The following ACTR3C variants were observed in gnomAD, a reference collection of about 807,000 sequenced individuals.
ACTR3C encodes the protein actin-related protein 3C.
Under a neutral mutation model 26.3 loss-of-function variants are expected in ACTR3C, and 18 were observed. That is an observed-to-expected ratio of 0.68 (90% CI 0.47 to 1.01). The LOEUF is 1.01. Among genes scored for constraint, ACTR3C ranks in the 50% least tolerant of loss-of-function variants. The pLI is 0.00. For synonymous variants in ACTR3C, 55 were observed against 94.5 expected (o/e 0.58, Z 2.42); for missense variants, 184 against 250.7 (o/e 0.73, Z 1.80).
the ACTR3C span, among the ~76,000 whole-genome samples, chr7:150,094,881 G>T: frequency 4.7e-5 from 7 of 150,078 alleles, no homozygotes; most frequent in Admixed American, 4.6e-4. Flanking sequence ...AAGGTGAAGT[G>T]AGAGTCCAAG....
At chr7:150,154,671 G>A in the ACTR3C span, among the ~76,000 whole-genome samples, 1 of 151,952 alleles carries the variant, frequency 6.6e-6, no homozygotes, top group African/African-American at 2.4e-5. Context: ...ATTTTTGAGG[G>A]GGCTTTTCCT....
chr7:150,012,131 C>T, the ACTR3C span, among the ~76,000 whole-genome samples: 1 of 152,124 alleles, frequency 6.6e-6, no homozygotes. Context: ...GAAACTATAT[C>T]AGCCCAGTGT....
At chr7:150,168,700 G>T in the ACTR3C span, among the ~76,000 whole-genome samples, 2 of 150,496 alleles carry the variant, frequency 1.3e-5, no homozygotes, top group African/African-American at 5.0e-5. Context: ...TTTTACTTAG[G>T]CGTCCTCCAC....
the ACTR3C span, among the ~76,000 whole-genome samples, chr7:150,065,553 C>G: frequency 6.6e-6 from 1 of 152,170 alleles, no homozygotes; most frequent in Non-Finnish European, 1.5e-5. Flanking sequence ...AAGTTAAAGG[C>G]TTTACCCTCA....
At chr7:150,289,796 T>C (rs1473295163) in intron 3 of ACTR3C, among the ~76,000 whole-genome samples, 5 of 152,128 alleles carry the variant, frequency 3.3e-5, no homozygotes, top group African/African-American at 4.8e-5. Context: ...TATTCAAAAT[T>C]CCAGATTATT....
At chr7:149,991,033 T>C in the ACTR3C span, among the ~76,000 whole-genome samples, 2 of 152,046 alleles carry the variant, frequency 1.3e-5, no homozygotes, top group Non-Finnish European at 2.9e-5. Flanking sequence ...GGGTAATTTA[T>C]AAAGGAAAGA....
chr7:150,222,903 C>T, the ACTR3C span, among the ~76,000 whole-genome samples: 3 of 152,194 alleles, frequency 2.0e-5, no homozygotes, highest in Non-Finnish European at 4.4e-5. Flanking sequence ...AAATTTCCTG[C>T]ATTGTGAATT....
At chr7:150,298,285 C>G (rs2429327) in intron 1 of ACTR3C, among the ~76,000 whole-genome samples, 1 of 150,110 alleles carries the variant, frequency 6.7e-6, no homozygotes, top group East Asian at 1.9e-4. Context: ...ACACCCAATA[C>G]AAAGCAAAGA....
chr7:150,254,791 G>A (rs971794237), intron 6 of ACTR3C, among the ~76,000 whole-genome samples: 16 of 152,128 alleles, frequency 1.1e-4, no homozygotes, highest in African/African-American at 1.7e-4. Flanking sequence ...GGCAGTGCTC[G>A]TTATATCAAT....
chr7:150,052,914 T>C, the ACTR3C span, among the ~76,000 whole-genome samples: 5,795 of 58,366 alleles, frequency 0.099, 143 homozygotes, highest in African/African-American at 0.15. Context: ...CCTTCATGCA[T>C]GTCCCTTCTC....
chr7:150,167,039 AT>A, the ACTR3C span, among the ~76,000 whole-genome samples: 350 of 111,230 alleles, frequency 3.1e-3, 4 homozygotes, highest in Non-Finnish European at 4.0e-3. Flanking sequence ...TATATATGGT[AT>A]TTCTCTATCC....
At chr7:150,014,489 GA>G in the ACTR3C span, among the ~76,000 whole-genome samples, 1 of 150,734 alleles carries the variant, frequency 6.6e-6, no homozygotes, top group Non-Finnish European at 1.5e-5. Context: ...AAAAAGAAAA[GA>G]TAGGCACACA....
At chr7:149,901,904 C>A in the ACTR3C span, among the ~76,000 whole-genome samples, 1 of 79,088 alleles carries the variant, frequency 1.3e-5, no homozygotes, top group African/African-American at 5.4e-5. Context: ...GAGCAAGACT[C>A]TGTCTCAAAA....
At chr7:150,047,081 T>C in the ACTR3C span, among the ~76,000 whole-genome samples, 1 of 150,822 alleles carries the variant, frequency 6.6e-6, no homozygotes, top group East Asian at 2.0e-4. Context: ...GGAAAAAGTG[T>C]CTAGGAGAAG....
the ACTR3C span, among the ~76,000 whole-genome samples, chr7:149,973,055 T>A: frequency 1.3e-5 from 2 of 151,416 alleles, no homozygotes; most frequent in African/African-American, 2.4e-5. Context: ...TCCCAGGTAA[T>A]CATAGTGAGT....
At chr7:150,315,759 T>C (rs1474707723) in intron 1 of ACTR3C, among the ~76,000 whole-genome samples, 1 of 152,202 alleles carries the variant, frequency 6.6e-6, no homozygotes, top group Non-Finnish European at 1.5e-5. Context: ...CACATGCTTA[T>C]GTATATTCAT....
At chr7:150,223,075 C>T in the ACTR3C span, among the ~76,000 whole-genome samples, 1 of 152,160 alleles carries the variant, frequency 6.6e-6, no homozygotes, top group Non-Finnish European at 1.5e-5. Context: ...CATCACCCCC[C>T]AAAGGATGTT....
the ACTR3C span, among the ~76,000 whole-genome samples, chr7:149,995,983 A>AT: frequency 0.035 from 5,344 of 151,876 alleles, 58 homozygotes; most frequent in East Asian, 0.22. Flanking sequence ...GAGAAAGCAG[A>AT]TCATCACCAG....
chr7:149,949,436 A>G, the ACTR3C span, among the ~76,000 whole-genome samples: 2 of 146,650 alleles, frequency 1.4e-5, no homozygotes, highest in Admixed American at 6.7e-5. Flanking sequence ...GGAAATGAAT[A>G]AAGTGAAAGT....
Sources: gnomAD v4.1 joint callset for allele counts (sites outside exome capture counted in the v4.1 genomes callset) on GRCh38, gnomAD v4.1.1 for gene constraint, MANE v1.5 for transcripts, NCBI Gene and HGNC (gene_info 2026-07-23, HGNC 2026-07-21) for gene names.